The following SBK1 variants were observed in gnomAD, a reference collection of about 807,000 sequenced individuals.
SBK1 encodes serine/threonine-protein kinase SBK1.
SBK1 carries 11 observed loss-of-function variants against 24.4 expected under a neutral mutation model. The observed-to-expected ratio is 0.45, with a 90% CI of 0.28 to 0.75. The LOEUF (loss-of-function observed/expected upper bound fraction) is 0.75, where lower values mean the gene tolerates loss of function less well. Ranked by LOEUF, SBK1 falls within the 30% of genes least tolerant of loss-of-function variation. The pLI is 0.12. For synonymous variants in SBK1, 308 were observed against 284.4 expected, an observed-to-expected ratio of 1.08 and a Z score of -0.83; for missense variants, 467 against 620.5, an observed-to-expected ratio of 0.75 and a Z score of 2.63.
At chr16:28,309,884 G>T (rs1218146019) in intron 1 of SBK1, among the ~76,000 whole-genome samples, 2 of 152,230 alleles carry the variant, frequency 1.3e-5, no homozygotes. Flanking sequence ...GTGTCTGTGT[G>T]GATGCTTGTG....
chr16:28,320,032 G>A lies in SBK1; in HGVS notation c.430-44G>A. On this transcript the variant is annotated intron_variant, in intron 3 of 3. Coordinates refer to ENST00000341901, the MANE Select transcript of SBK1 (RefSeq NM_001024401.3). This position sits in a 1 kb window ranked among gnomAD's most constrained non-coding sequence, Gnocchi z 8.5. ...TGGAGGGGAGGGCGGCGGGGCGGGC[G>A]CTGGAGAGCTGGAAACAGCGCGGCT... The A allele has an allele frequency of 2.1e-6, 3 of 1,429,078 alleles. No individual in the cohort carries two copies. The highest frequency in any genetic ancestry group is 1.8e-6 in the Non-Finnish European group (2 of 1,097,528). The allele number at this position is 1,429,078 out of a possible 1,614,324, so 88.5% of individuals were successfully genotyped here. A position where few individuals can be genotyped will look rare whatever the true frequency, so the allele number is the denominator to read the frequency against.
intron 1 of SBK1, among the ~76,000 whole-genome samples, chr16:28,280,868 T>C (rs1360228960): frequency 6.6e-6 from 1 of 152,132 alleles, no homozygotes; most frequent in Admixed American, 6.6e-5. Context: ...TTTTGCCATG[T>C]TGGCCAGACT....
rs546029483 is a variant in SBK1, at chr16:28,321,081, G to A, written c.*160G>A. On this transcript the variant is annotated 3_prime_UTR_variant, in exon 4 of 4. Coordinates refer to ENST00000341901, the MANE Select transcript of SBK1 (RefSeq NM_001024401.3). ...GCACCTGGTCCGTCCCCGGCGGGCT[G>A]GTGAGGGGGCCACCAAAGACCCCTA... 4.4e-5 allele frequency: 29 copies of A among 656,008 alleles called. 1 individual carries two copies. In the South Asian group the frequency reaches 8.0e-4, roughly 18 times the overall value. 40.6% of individuals were successfully genotyped at this position (656,008 alleles called of 1,614,324 possible). A position where few individuals can be genotyped will look rare whatever the true frequency, so the allele number is the denominator to read the frequency against.
Position 28,261,898 on chromosome 16 carries a change from C to T in SBK1, c.257+2396C>T, listed in dbSNP as rs891861237. 2.0e-4 allele frequency among the ~76,000 whole-genome samples: 31 copies of T among 152,160 alleles called. 1 individual carries two copies. The highest frequency in any genetic ancestry group is 1.9e-3 in the Admixed American group (29 of 15,258). On this transcript the variant is annotated intron_variant, in intron 1 of 3. Coordinates refer to the SBK1 transcript ENST00000671413. ...TCTCCCACCTCTGATTCTGGGGACTCTCTGTAGGGGATGTCTCTCTGCCTC... is the reference window on the plus strand; with the variant it reads ...TCTCCCACCTCTGATTCTGGGGACTTTCTGTAGGGGATGTCTCTCTGCCTC...
At chr16:28,263,837 T>A (rs895659802) in intron 1 of SBK1, among the ~76,000 whole-genome samples, 4 of 152,030 alleles carry the variant, frequency 2.6e-5, no homozygotes, top group African/African-American at 9.7e-5. Context: ...CTGAACATAT[T>A]TAGGAGGCTG....
Position 28,320,902 on chromosome 16 carries a change from C to A in SBK1, c.1256C>A (p.Ala419Asp). Residue 419 changes from alanine (A) to aspartate (D), a missense_variant, in exon 4 of 4, where the codon GCC becomes GAC. Coordinates refer to ENST00000341901, the MANE Select transcript of SBK1 (RefSeq NM_001024401.3). The surrounding 1 kb of genome is among the most constrained non-coding windows in gnomAD (Gnocchi z 8.5). ...AAAGGGCAGGTGGTGCTGGCCACGGCCATCGAGATCTGCGTCTGAGTCGCC... is the reference window on the plus strand; with the variant it reads ...AAAGGGCAGGTGGTGCTGGCCACGGACATCGAGATCTGCGTCTGAGTCGCC... ...KSKGQVVLAT[A>D]IEICV 6.7e-7 allele frequency: 1 copy of A among 1,491,910 alleles called. No homozygotes were observed. Among genetic ancestry groups the A allele is most frequent in the Non-Finnish European group, 8.9e-7 (1 of 1,125,778 alleles). The allele number at this position is 1,491,910 out of a possible 1,614,324, so 92.4% of individuals were successfully genotyped here. A position where few individuals can be genotyped will look rare whatever the true frequency, so the allele number is the denominator to read the frequency against.
In SBK1 at chr16:28,261,375, G is replaced by A. The variant is rs979244886; in HGVS notation, c.257+1873G>A. 1.9e-4 allele frequency among the ~76,000 whole-genome samples: 29 copies of A among 151,374 alleles called. 1 individual carries two copies. The highest frequency in any genetic ancestry group is 1.7e-3 in the Admixed American group (26 of 15,208). ...TTTGGGAGGCCAAGGCGGGTAGATC[G>A]CTTGAGCTCAGGAGTTCGAGACCAG... On this transcript the variant is annotated intron_variant, in intron 1 of 3. Transcript: ENST00000671413.
chr16:28,272,757 G>T (rs980806824), intron 1 of SBK1, among the ~76,000 whole-genome samples: 3 of 151,744 alleles, frequency 2.0e-5, no homozygotes, highest in African/African-American at 4.8e-5. Context: ...GAGTAGCTGG[G>T]ACTACAGGCA....
chr16:28,315,669 G>A (rs1177043220), intron 1 of SBK1, among the ~76,000 whole-genome samples: 1 of 152,212 alleles, frequency 6.6e-6, no homozygotes, highest in Non-Finnish European at 1.5e-5. Flanking sequence ...GCTGAGGCAG[G>A]AGGATCCCTT....
At chr16:28,304,354 C>T (rs2044700968) in intron 1 of SBK1, among the ~76,000 whole-genome samples, 1 of 152,234 alleles carries the variant, frequency 6.6e-6, no homozygotes, top group Admixed American at 6.5e-5. Context: ...GCTGAAGACA[C>T]TGGAGCTGGA....
chr16:28,320,375 C>T lies in SBK1; in HGVS notation c.729C>T (p.Ile243=), dbSNP rs1383879044. ...ACGTGTGGGCCTTCGGCGTGCTCAT[C>T]TTCTGCGTGCTCACCGGCAACTTCC... ...GVDVWAFGVL[I]FCVLTGNFPW... Residue 243 remains isoleucine, a synonymous_variant, in exon 4 of 4, where the codon ATC becomes ATT. Coordinates refer to ENST00000341901, the MANE Select transcript of SBK1 (RefSeq NM_001024401.3). This position sits in a 1 kb window ranked among gnomAD's most constrained non-coding sequence, Gnocchi z 8.5. 6.3e-7 allele frequency: 1 copy of T among 1,592,736 alleles called. No homozygotes were observed.
At position 28,320,786 on chromosome 16, in the gene SBK1, G is replaced by GGTGCCA; in HGVS notation, c.1146_1151dup (p.Val389_Pro390dup). On this transcript the variant is annotated inframe_insertion, in exon 4 of 4. Transcript: ENST00000341901. The surrounding 1 kb of genome is among the most constrained non-coding windows in gnomAD (Gnocchi z 8.5). ...CGGTGCCCTTGCCCGTGCCGGTGCC[G>GGTGCCA]GTGCCAGTGCCCGTGCCGGTGCCTG... The GGTGCCA allele has an allele frequency of 7.1e-7, 1 of 1,416,206 alleles. No homozygotes were observed. The highest frequency in any genetic ancestry group is 3.7e-5 in the East Asian group (1 of 27,256). 87.7% of individuals were successfully genotyped at this position (1,416,206 alleles called of 1,614,324 possible).
At position 28,259,692 on chromosome 16, in the gene SBK1, C is replaced by T. The variant is rs1369967147; in HGVS notation, c.257+190C>T. ...TTGCCACAGCCTCCTTCCTATCTCCCCCACCCTAGCCCCAGAGTGGCTTTC... is the reference window on the plus strand; with the variant it reads ...TTGCCACAGCCTCCTTCCTATCTCCTCCACCCTAGCCCCAGAGTGGCTTTC... On this transcript the variant is annotated intron_variant, in intron 1 of 3. Transcript: ENST00000671413. This position sits in a 1 kb window ranked among gnomAD's most constrained non-coding sequence, Gnocchi z 6.0. Among the ~76,000 whole-genome samples, 1 of 152,154 alleles carries T rather than the reference C, an allele frequency of 6.6e-6. No homozygotes were observed. The highest frequency in any genetic ancestry group is 1.5e-5 in the Non-Finnish European group (1 of 68,030).
chr16:28,270,831 TCTTATTTATTTA>T (rs1404526589), intron 1 of SBK1, among the ~76,000 whole-genome samples: 3 of 146,770 alleles, frequency 2.0e-5, no homozygotes, highest in Non-Finnish European at 3.0e-5. Context: ...ATGCACCCTT[TCTTATTTATTTA>T]TTTATTTATT....
At chr16:28,311,686 G>A (rs2044755850) in intron 1 of SBK1, among the ~76,000 whole-genome samples, 1 of 150,124 alleles carries the variant, frequency 6.7e-6, no homozygotes, top group African/African-American at 2.5e-5. Context: ...AATAGAGCAA[G>A]ATCCTATTTC....
intron 1 of SBK1, among the ~76,000 whole-genome samples, chr16:28,278,957 G>A (rs2044511943): frequency 6.6e-6 from 1 of 152,228 alleles, no homozygotes; most frequent in Admixed American, 6.5e-5. Context: ...CAGCCGTGGT[G>A]GCTCATGCCT....
chr16:28,293,098 G>A lies in SBK1; in HGVS notation c.-210G>A. The A allele has an allele frequency of 4.1e-6, 4 of 985,808 alleles. No homozygotes were observed. Among genetic ancestry groups the A allele is most frequent in the Non-Finnish European group, 4.8e-6 (4 of 830,164 alleles). The allele number at this position is 985,808 out of a possible 1,614,324, so 61.1% of individuals were successfully genotyped here. A position where few individuals can be genotyped will look rare whatever the true frequency, so the allele number is the denominator to read the frequency against. On this transcript the variant is annotated 5_prime_UTR_variant, in exon 1 of 4. Transcript: ENST00000341901. ...TAGAAATCCCAAATCTAGGCAGCCG[G>A]GGACAGCAAGAGACACTCTCACCAG...
intron 1 of SBK1, among the ~76,000 whole-genome samples, chr16:28,268,145 T>A (rs1300022028): frequency 5.9e-5 from 9 of 152,040 alleles, no homozygotes; most frequent in Admixed American, 5.2e-4. Context: ...TTCCTGGAGG[T>A]CCCTCTCCCT....
intron 1 of SBK1, among the ~76,000 whole-genome samples, chr16:28,305,478 C>T (rs1054872143): frequency 1.3e-5 from 2 of 151,886 alleles, no homozygotes; most frequent in Non-Finnish European, 2.9e-5. Context: ...TCCCAAAGTG[C>T]TGGGATTACA....
Sources: allele counts gnomAD v4.1 joint callset (sites outside exome capture counted in the v4.1 genomes callset), GRCh38; gene constraint gnomAD v4.1.1; non-coding constraint Gnocchi (gnomAD v3.1); transcripts MANE v1.5; gene names NCBI Gene and HGNC (gene_info 2026-07-23, HGNC 2026-07-21).